Variants in SCRT1 observed in about 807,000 individuals in gnomAD.
SCRT1 encodes the protein transcriptional repressor scratch 1.
Under a neutral mutation model 3.4 loss-of-function variants are expected in SCRT1, and 1 was observed. The ratio of observed to expected loss-of-function variants is 0.29; its 90% confidence interval spans 0.10 to 1.39. SCRT1 has a LOEUF of 1.39. SCRT1 is among the 40% of genes most tolerant of loss of function. The pLI is 0.42. For synonymous variants in SCRT1, 238 were observed against 247.0 expected (o/e 0.96, Z 0.34); for missense variants, 380 against 526.3 (o/e 0.72, Z 2.72).
intron 1 of SCRT1, among the ~76,000 whole-genome samples, 187 bp from the exon 2 acceptor site, chr8:144,334,303 GGAGGGGAAGA>G (rs1817852815): frequency 6.6e-6 from 1 of 152,040 alleles, no homozygotes; most frequent in African/African-American, 2.4e-5. Context: ...GAGACAGCAG[GGAGGGGAAGA>G]GAGGGGAGGA....
chr8:144,334,255 A>C, intron 1 of SCRT1, 139 bp from the exon 2 acceptor site: 2 of 638,268 alleles, frequency 3.1e-6, no homozygotes, highest in Non-Finnish European at 5.2e-6. Context: ...AGGAGGACAA[A>C]GGAGAGGAGG....
chr8:144,333,198 G>C lies in SCRT1; in HGVS notation c.1034C>G (p.Pro345Arg), dbSNP rs370594178. ...PAAPAPPQLS[P>R]VQA ...GGCCCCGCCGCCCTAGGCCTGCACA[G>C]GGCTGAGCTGTGGCGGCGCAGGAGC... Residue 345 changes from proline to arginine, a missense_variant, in exon 2 of 2, where the codon CCT becomes CGT. This residue lies in a region of SCRT1 where 67 missense variants were observed against 64.7 expected (regional missense o/e 1.04). Transcript: ENST00000569446. The C allele has an allele frequency of 1.8e-4, 279 of 1,573,718 alleles. 1 individual carries two copies. Among genetic ancestry groups the C allele is most frequent in the Non-Finnish European group, 1.1e-4 (126 of 1,162,028 alleles).
chr8:144,334,780 C>T (rs1817861406), intron 1 of SCRT1, among the ~76,000 whole-genome samples: 1 of 152,098 alleles, frequency 6.6e-6, no homozygotes, highest in Admixed American at 6.5e-5. Flanking sequence ...CTTGACCCTG[C>T]CCTCCCTGCT....
In SCRT1 at chr8:144,332,164, T is replaced by C. The variant is rs1554849614; in HGVS notation, c.*1021A>G. 1 of 151,964 alleles carries C rather than the reference T, an allele frequency of 6.6e-6. No homozygotes were observed. The highest frequency in any genetic ancestry group is 1.5e-5 in the Non-Finnish European group (1 of 68,008). The allele number at this position is 151,964 out of a possible 1,614,324, so 9.4% of individuals were successfully genotyped here. ...GGGGCGTGGAAAGTAATCCCGGACA[T>C]CCCAGGCCCCCGGCGTCGGCGGGCA... On this transcript the variant is annotated 3_prime_UTR_variant, in exon 2 of 2. Coordinates refer to ENST00000569446, the MANE Select transcript of SCRT1 (RefSeq NM_031309.6).
In SCRT1 at chr8:144,333,470, G is replaced by C; in HGVS notation, c.762C>G (p.Gly254=). 6.2e-7 allele frequency: 1 copy of C among 1,601,256 alleles called. No individual in the cohort carries two copies. The highest frequency in any genetic ancestry group is 8.5e-7 in the Non-Finnish European group (1 of 1,176,344). Residue 254 remains glycine, a synonymous_variant, in exon 2 of 2, where the codon GGC becomes GGG. Coordinates refer to ENST00000569446, the MANE Select transcript of SCRT1 (RefSeq NM_031309.6). The stretch of plus-strand genomic sequence containing the variant: ...GCAGCCAGGGCCGCGAGAAGGCTTT[G>C]CCGCACACGCCGCACTTGTGGCGCA... ...HDLRHKCGVC[G]KAFSRPWLLQ...
rs148763180 is a variant in SCRT1 at position 144,335,559 on chromosome 8, G to A, written c.115+496C>T. 6.2e-4 allele frequency among the ~76,000 whole-genome samples: 95 copies of A among 152,298 alleles called. No individual in the cohort carries two copies. The Middle Eastern group carries it at 0.017, about 27-fold the overall frequency. On this transcript the variant is annotated intron_variant, in intron 1 of 1. Transcript: ENST00000569446. The surrounding 1 kb of genome is among the most constrained non-coding windows in gnomAD (Gnocchi z 7.7). ...CAGGGAAGAGACTGCTGCTGCCTCTGCTGGCCCTCTGCTCTGACAGGTGGG... is the reference window on the plus strand; with the variant it reads ...CAGGGAAGAGACTGCTGCTGCCTCTACTGGCCCTCTGCTCTGACAGGTGGG...
Position 144,333,472 on chromosome 8 carries a change from C to G in SCRT1, c.760G>C (p.Gly254Arg). Residue 254 changes from glycine to arginine, a missense_variant, in exon 2 of 2, where the codon GGC becomes CGC. Gly to Arg is a moderately radical substitution (Grantham distance 125). Transcript: ENST00000569446. ...AGCCAGGGCCGCGAGAAGGCTTTGC[C>G]GCACACGCCGCACTTGTGGCGCAGG... ...HDLRHKCGVC[G>R]KAFSRPWLLQ... The G allele has an allele frequency of 1.2e-6, 2 of 1,602,172 alleles. No individual in the cohort carries two copies. The highest frequency in any genetic ancestry group is 1.7e-6 in the Non-Finnish European group (2 of 1,176,734).
chr8:144,331,020 G>A lies in SCRT1; in HGVS notation c.*2165C>T, dbSNP rs2130563358. 1 of 152,642 alleles carries A rather than the reference G, an allele frequency of 6.6e-6. No individual in the cohort carries two copies. The highest frequency in any genetic ancestry group is 2.4e-5 in the African/African-American group (1 of 41,544). The allele number at this position is 152,642 out of a possible 1,614,324, so 9.5% of individuals were successfully genotyped here. A position where few individuals can be genotyped will look rare whatever the true frequency, so the allele number is the denominator to read the frequency against. On this transcript the variant is annotated 3_prime_UTR_variant, in exon 2 of 2. Transcript: ENST00000569446. ...GCCCTCCAGCTTTCTCCTTAGGTAG[G>A]TAGACAGGAGTATGGGGTGGGGTGA...
chr8:144,333,834 G>A lies in SCRT1; in HGVS notation c.398C>T (p.Ala133Val), dbSNP rs1554849976. ...RSRRKASNAG[A>V]AAAPSTASAA... Reference sequence around the variant, plus strand: ...CGAGGCTGTGGAGGGAGCGGCGGCAGCGCCGGCATTGGAAGCCTTACGCCG... The same window carrying A: ...CGAGGCTGTGGAGGGAGCGGCGGCAACGCCGGCATTGGAAGCCTTACGCCG... Residue 133 changes from alanine (A) to valine (V), a missense_variant, in exon 2 of 2, where the codon GCT (alanine) becomes GTT (valine). Transcript: ENST00000569446. 13 of 1,232,130 alleles carry A rather than the reference G, an allele frequency of 1.1e-5. No homozygotes were observed. Among genetic ancestry groups the A allele is most frequent in the Non-Finnish European group, 1.3e-5 (13 of 987,976 alleles). 76.3% of individuals were successfully genotyped at this position (1,232,130 alleles called of 1,614,324 possible). A position where few individuals can be genotyped will look rare whatever the true frequency, so the allele number is the denominator to read the frequency against.
In SCRT1 at chr8:144,335,364, C is replaced by A. The variant is rs1554850196; in HGVS notation, c.115+691G>T. ...CACAGGCTCACACTCCTGCAGGTCA[C>A]ACTTGCTCTGCCACCCCATGCTGCT... On this transcript the variant is annotated intron_variant, in intron 1 of 1. Coordinates refer to ENST00000569446, the MANE Select transcript of SCRT1 (RefSeq NM_031309.6). This position sits in a 1 kb window ranked among gnomAD's most constrained non-coding sequence, Gnocchi z 7.7. 1.3e-5 allele frequency among the ~76,000 whole-genome samples: 2 copies of A among 152,192 alleles called. No homozygotes were observed. The highest frequency in any genetic ancestry group is 4.8e-5 in the African/African-American group (2 of 41,434).
rs576482176 is a variant in SCRT1, at chr8:144,330,619, T to A, written c.*2566A>T. 1 of 152,352 alleles carries A rather than the reference T, an allele frequency of 6.6e-6. No individual in the cohort carries two copies. The highest frequency in any genetic ancestry group is 2.1e-4 in the South Asian group (1 of 4,832). 9.4% of individuals were successfully genotyped at this position (152,352 alleles called of 1,614,324 possible). Reference sequence around the variant, plus strand: ...GTGGAGGTGCGGTGCTCCGGGGAGCTGGTGCTATTGTGCTTAGGAAGGAGG... The same window carrying A: ...GTGGAGGTGCGGTGCTCCGGGGAGCAGGTGCTATTGTGCTTAGGAAGGAGG... On this transcript the variant is annotated 3_prime_UTR_variant, in exon 2 of 2. Coordinates refer to ENST00000569446, the MANE Select transcript of SCRT1 (RefSeq NM_031309.6).
At position 144,333,239 on chromosome 8, in the gene SCRT1, G is replaced by A. The variant is rs782769035; in HGVS notation, c.993C>T (p.Gly331=). 1 of 1,602,158 alleles carries A rather than the reference G, an allele frequency of 6.2e-7. No individual in the cohort carries two copies. The highest frequency in any genetic ancestry group is 8.5e-7 in the Non-Finnish European group (1 of 1,175,952). The change falls in exon 2 of 2, where the codon GGC becomes GGT. Residue 331 remains glycine (G), a synonymous_variant. Transcript: ENST00000569446. ...GCGCAGGAGCCGCGGGGCCTCCGGC[G>A]CCGCCCTTGAAGCAGGCCGACTCGT... The part of the protein sequence containing the change: ...KHYESACFKG[G]AGGPAAPAPP...
Position 144,333,590 on chromosome 8 carries a change from G to T in SCRT1, c.642C>A (p.Arg214=). 6.2e-7 allele frequency: 1 copy of T among 1,610,232 alleles called. No homozygotes were observed. Residue 214 remains arginine (R), a synonymous_variant, in exon 2 of 2, where the codon CGC becomes CGA. Transcript: ENST00000569446. The part of the protein sequence containing the change: ...SNLSRHKQTH[R]SLDSQLARRC... ...GCCGCGCCAGCTGGCTGTCCAGGCT[G>T]CGGTGCGTCTGCTTGTGGCGGCTCA... is the stretch of plus-strand genomic sequence containing the variant.
rs1817879051 is a variant in SCRT1, at chr8:144,335,755, C to G, written c.115+300G>C. Among the ~76,000 whole-genome samples, 1 of 152,206 alleles carries G rather than the reference C, an allele frequency of 6.6e-6. No homozygotes were observed. Among genetic ancestry groups the G allele is most frequent in the South Asian group, 2.1e-4 (1 of 4,832 alleles). ...GGCTGGGTCCCGTCATGGCAGCGCC[C>G]ATGCGGCTGTGTCTGTCCCAGCATG... is the stretch of plus-strand genomic sequence containing the variant. On this transcript the variant is annotated intron_variant, in intron 1 of 1. Transcript: ENST00000569446. The surrounding 1 kb of genome is among the most constrained non-coding windows in gnomAD (Gnocchi z 7.7).
rs1284324138 is a variant in SCRT1, at chr8:144,330,734, G to A, written c.*2451C>T. 4 of 151,422 alleles carry A rather than the reference G, an allele frequency of 2.6e-5. No individual in the cohort carries two copies. The highest frequency in any genetic ancestry group is 1.9e-4 in the East Asian group (1 of 5,140). The allele number at this position is 151,422 out of a possible 1,614,324, so 9.4% of individuals were successfully genotyped here. A position where few individuals can be genotyped will look rare whatever the true frequency, so the allele number is the denominator to read the frequency against. On this transcript the variant is annotated 3_prime_UTR_variant, in exon 2 of 2. Coordinates refer to ENST00000569446, the MANE Select transcript of SCRT1 (RefSeq NM_031309.6). Reference sequence around the variant, plus strand: ...CCGAGTAAAAATCCCGGCCTATTCCGGGTGGGAATATGTACAAGGCGGCGG... The same window carrying A: ...CCGAGTAAAAATCCCGGCCTATTCCAGGTGGGAATATGTACAAGGCGGCGG...
chr8:144,334,286 G>T, intron 1 of SCRT1, among the ~76,000 whole-genome samples, 170 bp from the exon 2 acceptor site: 1 of 152,044 alleles, frequency 6.6e-6, no homozygotes, highest in Admixed American at 6.5e-5. Flanking sequence ...GCCGGGCAGG[G>T]AGGATGGAGA....
chr8:144,335,981 C>T lies in SCRT1; in HGVS notation c.115+74G>A. 1 of 1,052,422 alleles carries T rather than the reference C, an allele frequency of 9.5e-7. No individual in the cohort carries two copies. Among genetic ancestry groups the T allele is most frequent in the Non-Finnish European group, 1.3e-6 (1 of 742,208 alleles). The allele number at this position is 1,052,422 out of a possible 1,614,324, so 65.2% of individuals were successfully genotyped here. On this transcript the variant is annotated intron_variant, in intron 1 of 1. Coordinates refer to ENST00000569446, the MANE Select transcript of SCRT1 (RefSeq NM_031309.6). This position sits in a 1 kb window ranked among gnomAD's most constrained non-coding sequence, Gnocchi z 7.7. ...CTGTTTCCCCGGGCCCTGCCCTCCG[C>T]CCCCACACTCTGGCCCTCCACCGCT...
Position 144,331,919 on chromosome 8 carries a change from G to C in SCRT1, c.*1266C>G, listed in dbSNP as rs1194239905. On this transcript the variant is annotated 3_prime_UTR_variant, in exon 2 of 2. Coordinates refer to ENST00000569446, the MANE Select transcript of SCRT1 (RefSeq NM_031309.6). ...GCCCCGGGTAGGATCGGGAGGAGGGGTGGGGCTGCATGCAGTGACGTCACA... is the reference window on the plus strand; with the variant it reads ...GCCCCGGGTAGGATCGGGAGGAGGGCTGGGGCTGCATGCAGTGACGTCACA... 3 of 152,474 alleles carry C rather than the reference G, an allele frequency of 2.0e-5. No homozygotes were observed. The highest frequency in any genetic ancestry group is 4.4e-5 in the Non-Finnish European group (3 of 68,070). The allele number at this position is 152,474 out of a possible 1,614,324, so 9.4% of individuals were successfully genotyped here.
intron 1 of SCRT1, 58 bp from the exon 2 acceptor site, chr8:144,334,174 CG>C: frequency 2.8e-5 from 1 of 35,166 alleles, no homozygotes; most frequent in Non-Finnish European, 5.1e-5. Context: ...AGGACACACA[CG>C]GGGGATGGGG....
Sources: gnomAD v4.1 joint callset for allele counts (sites outside exome capture counted in the v4.1 genomes callset) on GRCh38, gnomAD v4.1.1 for gene constraint, gnomAD v4.1.1 regional missense constraint, Gnocchi (gnomAD v3.1) non-coding constraint, MANE v1.5 for transcripts, NCBI Gene and HGNC (gene_info 2026-07-23, HGNC 2026-07-21) for gene names.